The following ZNF100 variants were observed in gnomAD, a reference collection of about 807,000 sequenced individuals.
The protein encoded by ZNF100 is zinc finger protein 100.
In ZNF100, 12 loss-of-function variants were observed where a neutral mutation model predicts 15.8. That is an observed-to-expected ratio of 0.76 (90% confidence interval 0.49 to 1.23). ZNF100 has a LOEUF of 1.23. Among genes scored for constraint, ZNF100 ranks in the 50% most tolerant of loss-of-function variants. The pLI is 0.00. For synonymous variants in ZNF100, 226 were observed against 214.8 expected (o/e 1.05, Z -0.45); for missense variants, 670 against 635.6 (o/e 1.05, Z -0.58).
intron 4 of ZNF100, among the ~76,000 whole-genome samples, chr19:21,739,385 G>A (rs193210090): frequency 6.6e-6 from 1 of 152,244 alleles, no homozygotes; most frequent in Non-Finnish European, 1.5e-5. Context: ...GTGAGAGCCT[G>A]TCCCTAGAAA....
chr19:21,743,220 C>T (rs942322926), intron 4 of ZNF100: 4 of 152,092 alleles, frequency 2.6e-5, no homozygotes, highest in Admixed American at 2.6e-4. Context: ...GAGCGAGACT[C>T]CGTCTCAAAA....
intron 4 of ZNF100, among the ~76,000 whole-genome samples, chr19:21,737,352 C>G (rs1599383772): frequency 2.0e-5 from 3 of 151,400 alleles, no homozygotes; most frequent in African/African-American, 7.3e-5. Flanking sequence ...AAAGTGAAAC[C>G]CTGTCTCTAC....
rs1475533424 is a variant in ZNF100, at chr19:21,725,567, C to T, written c.*1116G>A. ...GCTCACCTAATAAAAAAGAATCTCT[C>T]ATATCTGATGCAGCAACAATTGATC... On this transcript the variant is annotated 3_prime_UTR_variant, in exon 5 of 5. Transcript: ENST00000358296. 6.6e-6 allele frequency: 1 copy of T among 152,086 alleles called. No individual in the cohort carries two copies. Among genetic ancestry groups the T allele is most frequent in the African/African-American group, 2.4e-5 (1 of 41,426 alleles). 9.4% of individuals were successfully genotyped at this position (152,086 alleles called of 1,614,324 possible). A position where few individuals can be genotyped will look rare whatever the true frequency, so the allele number is the denominator to read the frequency against.
intron 2 of ZNF100, among the ~76,000 whole-genome samples, chr19:21,755,321 A>C (rs1000771654): frequency 3.3e-5 from 2 of 61,326 alleles, no homozygotes; most frequent in Non-Finnish European, 1.0e-4. Context: ...AAAAAAGAAA[A>C]AAAGAAAAAA....
At position 21,763,928 on chromosome 19, in the gene ZNF100, G is replaced by A. The variant is rs529078254; in HGVS notation, c.96+1766C>T. Among the ~76,000 whole-genome samples, 10 of 152,072 alleles carry A rather than the reference G, an allele frequency of 6.6e-5. No individual in the cohort carries two copies. The South Asian group carries it at 2.1e-3, about 32-fold the overall frequency. On this transcript the variant is annotated intron_variant, in intron 2 of 4. Coordinates refer to ENST00000358296, the MANE Select transcript of ZNF100 (RefSeq NM_173531.4). Reference sequence around the variant, plus strand: ...GGAATTCAAATTTTTTAAATAAATTGAACTTGGTTATACATTACAAAGTCT... The same window carrying A: ...GGAATTCAAATTTTTTAAATAAATTAAACTTGGTTATACATTACAAAGTCT...
chr19:21,728,526 C>T (rs112092047), intron 4 of ZNF100, among the ~76,000 whole-genome samples: 3,330 of 152,048 alleles, frequency 0.022, 121 homozygotes, highest in African/African-American at 0.073. Context: ...AGGTGTAGCA[C>T]GTGATTATTA....
intron 2 of ZNF100, among the ~76,000 whole-genome samples, chr19:21,758,453 G>T (rs1243220081): frequency 6.6e-6 from 1 of 152,206 alleles, no homozygotes; most frequent in African/African-American, 2.4e-5. Flanking sequence ...AGAATGCAGT[G>T]TAAGTGGATT....
intron 4 of ZNF100, among the ~76,000 whole-genome samples, chr19:21,739,573 T>C (rs1054952705): frequency 6.6e-6 from 1 of 152,038 alleles, no homozygotes; most frequent in Non-Finnish European, 1.5e-5. Context: ...CAACAACAAA[T>C]AAATTTAAGA....
intron 4 of ZNF100, among the ~76,000 whole-genome samples, chr19:21,743,414 AAAATACAAT>A (rs2036154277): frequency 6.6e-6 from 1 of 152,212 alleles, no homozygotes; most frequent in South Asian, 2.1e-4. Flanking sequence ...ACAGTAATAA[AAAATACAAT>A]TCTAAAATTT....
intron 1 of ZNF100, among the ~76,000 whole-genome samples, chr19:21,766,634 C>T (rs954276198): frequency 5.3e-5 from 8 of 152,116 alleles, no homozygotes; most frequent in Admixed American, 2.6e-4. Context: ...TCCTTCAAGC[C>T]TCTCCCATAG....
chr19:21,758,562 A>G (rs2036429601), intron 2 of ZNF100, among the ~76,000 whole-genome samples: 1 of 152,170 alleles, frequency 6.6e-6, no homozygotes, highest in Admixed American at 6.5e-5. Flanking sequence ...CCAGGACCCT[A>G]GGCTGGTGGA....
intron 4 of ZNF100, among the ~76,000 whole-genome samples, chr19:21,736,068 G>T (rs1333167512): frequency 6.6e-6 from 1 of 151,012 alleles, no homozygotes; most frequent in Admixed American, 6.6e-5. Flanking sequence ...CATTACAGGC[G>T]TGAGCCACCA....
chr19:21,725,805 A>G lies in ZNF100; in HGVS notation c.*878T>C, dbSNP rs1173952613. 2 of 152,162 alleles carry G rather than the reference A, an allele frequency of 1.3e-5. No homozygotes were observed. The highest frequency in any genetic ancestry group is 4.8e-5 in the African/African-American group (2 of 41,470). 9.4% of individuals were successfully genotyped at this position (152,162 alleles called of 1,614,324 possible). A position where few individuals can be genotyped will look rare whatever the true frequency, so the allele number is the denominator to read the frequency against. The stretch of plus-strand genomic sequence containing the variant: ...ATTATTTTCTATACTCAGCACTCTG[A>G]TTTAGTAAAATACCTGAAGCATCAG... On this transcript the variant is annotated 3_prime_UTR_variant, in exon 5 of 5. Transcript: ENST00000358296.
At chr19:21,755,587 T>C (rs562436306) in intron 2 of ZNF100, among the ~76,000 whole-genome samples, 1 of 152,278 alleles carries the variant, frequency 6.6e-6, no homozygotes, top group African/African-American at 2.4e-5. Flanking sequence ...ACTGGGTATA[T>C]ACCCAAAGGA....
At position 21,724,901 on chromosome 19, in the gene ZNF100, A is replaced by T. The variant is rs2035748486; in HGVS notation, c.*1782T>A. The T allele has an allele frequency of 6.6e-6, 1 of 152,104 alleles. No individual in the cohort carries two copies. The highest frequency in any genetic ancestry group is 1.9e-4 in the East Asian group (1 of 5,182). 9.4% of individuals were successfully genotyped at this position (152,104 alleles called of 1,614,324 possible). On this transcript the variant is annotated 3_prime_UTR_variant, in exon 5 of 5. Coordinates refer to ENST00000358296, the MANE Select transcript of ZNF100 (RefSeq NM_173531.4). ...ACCCTGTCTCTACTAAAATACAAAA[A>T]TTAGCTGGGCATGGTGGTGGGTGCC...
At position 21,727,946 on chromosome 19, in the gene ZNF100, G is replaced by A. The variant is rs751477379; in HGVS notation, c.366C>T (p.Asp122=). 1.9e-6 allele frequency: 3 copies of A among 1,565,960 alleles called. No homozygotes were observed. The highest frequency in any genetic ancestry group is 2.2e-5 in the East Asian group (1 of 44,496). The change falls in exon 5 of 5, where the codon GAC becomes GAT. Residue 122 remains aspartate, a synonymous_variant. Coordinates refer to ENST00000358296, the MANE Select transcript of ZNF100 (RefSeq NM_173531.4). ...HFPQDLWAEQ[D]IKDSFQEAIL... ...TCGCTTCTTGAAAAGAATCTTTAATGTCCTGCTCTGCCCAAAGGTCTTGGG... is the reference window on the plus strand; with the variant it reads ...TCGCTTCTTGAAAAGAATCTTTAATATCCTGCTCTGCCCAAAGGTCTTGGG...
At chr19:21,759,874 T>C (rs1170556204) in intron 2 of ZNF100, among the ~76,000 whole-genome samples, 1 of 152,180 alleles carries the variant, frequency 6.6e-6, no homozygotes, top group African/African-American at 2.4e-5. Flanking sequence ...CATTCTCTTA[T>C]ATCTCCACTT....
intron 2 of ZNF100, chr19:21,750,380 G>C (rs2036281570): frequency 6.6e-6 from 1 of 152,104 alleles, no homozygotes; most frequent in Non-Finnish European, 1.5e-5. Context: ...CCAAAACTGG[G>C]AAGAGACACA....
At chr19:21,748,167 A>T (rs1568304601) in intron 2 of ZNF100, among the ~76,000 whole-genome samples, 1 of 152,250 alleles carries the variant, frequency 6.6e-6, no homozygotes, top group Admixed American at 6.5e-5. Context: ...ATTTAAAAAA[A>T]TAAGATGTTA....
Sources: gnomAD v4.1 joint callset for allele counts (sites outside exome capture counted in the v4.1 genomes callset) on GRCh38, gnomAD v4.1.1 for gene constraint, MANE v1.5 for transcripts, NCBI Gene and HGNC (gene_info 2026-07-23, HGNC 2026-07-21) for gene names.